SAMD12: variants seen among roughly 807,000 people sequenced by gnomAD.
The protein encoded by SAMD12 is sterile alpha motif domain-containing protein 12.
A neutral mutation model predicts 15.0 loss-of-function variants in SAMD12; 9 were observed. That is an observed-to-expected ratio of 0.60 (90% CI 0.36 to 1.05). The LOEUF (loss-of-function observed/expected upper bound fraction) is 1.05, where lower values mean the gene tolerates loss of function less well. Ranked by LOEUF, SAMD12 falls within the 50% of genes least tolerant of loss-of-function variation. The pLI, the probability that SAMD12 is intolerant of heterozygous loss-of-function variation, is 0.01. For synonymous variants in SAMD12, 86 were observed against 90.1 expected (o/e 0.96, Z 0.25); for missense variants, 230 against 234.2 (o/e 0.98, Z 0.12).
rs535016689 is a variant in SAMD12 at position 118,510,368 on chromosome 8, A to G, written c.192+70347T>C. On this transcript the variant is annotated intron_variant, in intron 2 of 3. Transcript: ENST00000314727. ...ATTCTGATACAGATCACACTCTGAG[A>G]AACAAGGAGGTATTTCATTTAATTG... is the stretch of plus-strand genomic sequence containing the variant. Among the ~76,000 whole-genome samples the G allele has an allele frequency of 2.0e-5, 3 of 152,346 alleles. No individual in the cohort carries two copies. The South Asian group carries it at 6.2e-4, about 32-fold the overall frequency.
downstream of SAMD12, among the ~76,000 whole-genome samples, chr8:118,375,370 A>G (rs1819330616): frequency 1.3e-5 from 2 of 152,162 alleles, no homozygotes; most frequent in South Asian, 4.1e-4. Flanking sequence ...AATTATTGTG[A>G]TGGTTGCACC....
the SAMD12 span, among the ~76,000 whole-genome samples, chr8:118,168,629 G>C: frequency 6.6e-6 from 1 of 152,112 alleles, no homozygotes; most frequent in Non-Finnish European, 1.5e-5. Context: ...TGCCTCACTG[G>C]TTTGCCAGGC....
At chr8:118,184,483 ATTTC>A (rs149904759), downstream of SAMD12, among the ~76,000 whole-genome samples, 73,751 of 151,086 alleles carry the variant, frequency 0.49, 20,932 homozygotes, top group Non-Finnish European at 0.64. Context: ...TTTCTGAATA[ATTTC>A]TTTCTTTCTT....
chr8:118,138,726 T>A, the SAMD12 span, among the ~76,000 whole-genome samples: 1 of 152,180 alleles, frequency 6.6e-6, no homozygotes, highest in African/African-American at 2.4e-5. Context: ...ATAGGCGAGA[T>A]GGCAGGAACT....
At chr8:118,198,831 T>A (rs1267632380) in intron 4 of SAMD12, among the ~76,000 whole-genome samples, 1 of 152,106 alleles carries the variant, frequency 6.6e-6, no homozygotes, top group South Asian at 2.1e-4. Context: ...CAAAAATTAT[T>A]GAAAATGCAT....
chr8:118,474,329 C>T (rs546578585), intron 2 of SAMD12, among the ~76,000 whole-genome samples: 11 of 152,144 alleles, frequency 7.2e-5, no homozygotes, highest in East Asian at 1.9e-4. Flanking sequence ...GCATAACCAT[C>T]CTCATTATCT....
At chr8:118,546,514 G>A (rs565399777) in intron 2 of SAMD12, among the ~76,000 whole-genome samples, 17 of 151,954 alleles carry the variant, frequency 1.1e-4, no homozygotes, top group Admixed American at 8.5e-4. Flanking sequence ...TCTGCTTTCA[G>A]GGCAGATGGC....
intron 4 of SAMD12, among the ~76,000 whole-genome samples, chr8:118,283,754 G>C (rs1242463129): frequency 6.6e-6 from 1 of 152,098 alleles, no homozygotes; most frequent in Non-Finnish European, 1.5e-5. Context: ...AAACAGAATG[G>C]GCAAAGACTT....
At chr8:118,170,473 T>C in the SAMD12 span, among the ~76,000 whole-genome samples, 3 of 152,196 alleles carry the variant, frequency 2.0e-5, no homozygotes, top group Non-Finnish European at 2.9e-5. Context: ...ATTTTATTTA[T>C]TGTAACTTTT....
At chr8:118,515,043 G>C (rs1825196462) in intron 2 of SAMD12, among the ~76,000 whole-genome samples, 1 of 151,962 alleles carries the variant, frequency 6.6e-6, no homozygotes, top group Non-Finnish European at 1.5e-5. Flanking sequence ...TTTTGAGACG[G>C]AGTCTCACTC....
At chr8:118,234,416 T>C (rs963881104) in intron 4 of SAMD12, among the ~76,000 whole-genome samples, 3 of 152,128 alleles carry the variant, frequency 2.0e-5, no homozygotes, top group Non-Finnish European at 4.4e-5. Flanking sequence ...CTACTGCATC[T>C]CACTTGCTGC....
At position 118,478,630 on chromosome 8, in the gene SAMD12, C is replaced by T. The variant is rs529042668; in HGVS notation, c.193-38669G>A. ...AACTTAGCAAACATCATACAGCTTG[C>T]AAATGGCAGAACTGACCAGGCAGTC... On this transcript the variant is annotated intron_variant, in intron 2 of 3. Transcript: ENST00000314727. Among the ~76,000 whole-genome samples, 140 of 152,342 alleles carry T rather than the reference C, an allele frequency of 9.2e-4. 3 individuals are homozygous for T. The highest frequency in any genetic ancestry group is 2.7e-3 in the Admixed American group (41 of 15,300).
At chr8:118,377,421 A>AACCAAT (rs1200455795), downstream of SAMD12, among the ~76,000 whole-genome samples, 4 of 152,082 alleles carry the variant, frequency 2.6e-5, no homozygotes, top group Non-Finnish European at 5.9e-5. Context: ...CCAAAACCAA[A>AACCAAT]AACCTATGTA....
chr8:118,514,768 GA>G (rs1165626465), intron 2 of SAMD12, among the ~76,000 whole-genome samples: 1 of 152,168 alleles, frequency 6.6e-6, no homozygotes, highest in East Asian at 1.9e-4. Context: ...TTAACATTGG[GA>G]AAACAGCGTT....
intron 4 of SAMD12, among the ~76,000 whole-genome samples, chr8:118,205,656 G>A (rs919143791): frequency 6.6e-6 from 1 of 152,200 alleles, no homozygotes; most frequent in African/African-American, 2.4e-5. Context: ...GATGGGATAG[G>A]AAGGCCTTGG....
At chr8:118,433,003 C>T (rs1239719028) in intron 3 of SAMD12, among the ~76,000 whole-genome samples, 1 of 152,202 alleles carries the variant, frequency 6.6e-6, no homozygotes, top group Non-Finnish European at 1.5e-5. Context: ...CAAAGGCTGT[C>T]CAACTACACA....
chr8:118,406,236 T>C (rs10093508), intron 3 of SAMD12, among the ~76,000 whole-genome samples: 21,677 of 151,876 alleles, frequency 0.14, 1,771 homozygotes, highest in Middle Eastern at 0.18. Context: ...GGTAGAAATA[T>C]ATAACATAAT....
chr8:118,599,060 T>G (rs1339512964), intron 1 of SAMD12, among the ~76,000 whole-genome samples: 1 of 152,190 alleles, frequency 6.6e-6, no homozygotes, highest in Non-Finnish European at 1.5e-5. Context: ...CGATTCTGCT[T>G]TACTTTTAAT....
intron 4 of SAMD12, among the ~76,000 whole-genome samples, chr8:118,350,511 T>C (rs1817907805): frequency 6.6e-6 from 1 of 152,188 alleles, no homozygotes; most frequent in African/African-American, 2.4e-5. Flanking sequence ...AAGAACCTAC[T>C]TCCTGGTGTG....
Sources: allele counts gnomAD v4.1 joint callset (sites outside exome capture counted in the v4.1 genomes callset), GRCh38; gene constraint gnomAD v4.1.1; transcripts MANE v1.5; gene names NCBI Gene and HGNC (gene_info 2026-07-23, HGNC 2026-07-21).